Variants in SLC4A1AP observed in about 807,000 individuals in gnomAD.
SLC4A1AP encodes kanadaptin.
Under a neutral mutation model 89.7 loss-of-function variants are expected in SLC4A1AP, and 64 were observed. The ratio of observed to expected loss-of-function variants is 0.71; its 90% CI spans 0.58 to 0.88. The LOEUF is 0.88. SLC4A1AP is among the 40% of genes least tolerant of loss of function. The pLI, the probability that SLC4A1AP is intolerant of heterozygous loss-of-function variation, is 0.00. For synonymous variants in SLC4A1AP, 366 were observed against 353.3 expected (o/e 1.04, Z -0.40); for missense variants, 931 against 965.0 (o/e 0.96, Z 0.47).
rs536712558 is a variant in SLC4A1AP at position 27,687,855 on chromosome 2, T to A, written c.2117-79T>A. 2.8e-6 allele frequency: 3 copies of A among 1,062,292 alleles called. No homozygotes were observed. In the Admixed American group the frequency reaches 6.0e-5, roughly 21 times the overall value. 65.8% of individuals were successfully genotyped at this position (1,062,292 alleles called of 1,614,324 possible). ...TGATTATGTACTTAGCTTCTCTTTC[T>A]CTTGTTTTTGTTTTTGTTTGTTTGG... On this transcript the variant is annotated intron_variant, in intron 10 of 13. Transcript: ENST00000613058.
chr2:27,665,629 G>A (rs1675304532), intron 2 of SLC4A1AP, among the ~76,000 whole-genome samples: 1 of 151,986 alleles, frequency 6.6e-6, no homozygotes, highest in South Asian at 2.1e-4. Flanking sequence ...ATCATTGGAG[G>A]GGATGGAACT....
chr2:27,683,326 C>G (rs1460670009), intron 9 of SLC4A1AP, among the ~76,000 whole-genome samples: 1 of 152,168 alleles, frequency 6.6e-6, no homozygotes, highest in Non-Finnish European at 1.5e-5. Context: ...AGAGCTGAAC[C>G]TTGAGTATTA....
At chr2:27,680,180 C>A (rs1353943402) in intron 8 of SLC4A1AP, among the ~76,000 whole-genome samples, 1 of 152,170 alleles carries the variant, frequency 6.6e-6, no homozygotes, top group Non-Finnish European at 1.5e-5. Flanking sequence ...GCATCTGCTA[C>A]TGTATCTCTG....
intron 8 of SLC4A1AP, 60 bp downstream of exon 8, chr2:27,677,984 A>C: frequency 6.3e-6 from 7 of 1,113,020 alleles, no homozygotes; most frequent in Middle Eastern, 2.1e-4. Flanking sequence ...AACATTTTCA[A>C]TTATCGCTTT....
chr2:27,669,464 TG>T (rs1307368481), intron 5 of SLC4A1AP, 77 bp downstream of exon 5: 9 of 1,340,318 alleles, frequency 6.7e-6, no homozygotes, highest in South Asian at 5.2e-5. Flanking sequence ...AACTTCTTTA[TG>T]GGGGGAAAAT....
At chr2:27,673,221 T>G (rs1414738141) in intron 5 of SLC4A1AP, among the ~76,000 whole-genome samples, 1 of 152,214 alleles carries the variant, frequency 6.6e-6, no homozygotes, top group African/African-American at 2.4e-5. Context: ...TTAGGATTTA[T>G]CTTTTTAAAT....
chr2:27,674,255 G>C (rs141272475), intron 5 of SLC4A1AP, among the ~76,000 whole-genome samples: 4 of 152,240 alleles, frequency 2.6e-5, no homozygotes, highest in African/African-American at 9.6e-5. Flanking sequence ...CAGATAAAAT[G>C]GGGGAGGAAT....
chr2:27,664,609 G>A (rs1321779862), intron 1 of SLC4A1AP, 32 bp downstream of exon 1: 1 of 1,522,596 alleles, frequency 6.6e-7, no homozygotes, highest in Non-Finnish European at 9.0e-7. Flanking sequence ...TGAAATTTCG[G>A]GTTCATTGGA....
intron 6 of SLC4A1AP, among the ~76,000 whole-genome samples, chr2:27,676,743 T>C (rs1281084872): frequency 1.3e-5 from 2 of 151,590 alleles, no homozygotes; most frequent in African/African-American, 2.4e-5. Context: ...GACAGGAGAA[T>C]TGCTTGAATG....
intron 5 of SLC4A1AP, among the ~76,000 whole-genome samples, chr2:27,673,990 TTGTGTGTGTGTGTG>T (rs56759152): frequency 0.45 from 66,834 of 148,550 alleles, 15,629 homozygotes; most frequent in Non-Finnish European, 0.53. Flanking sequence ...CATATACAAG[TTGTGTGTGTGTGTG>T]TGTGTGTGTG....
chr2:27,664,043 T>C (rs201467962), exon 1 of SLC4A1AP: 273 of 1,614,076 alleles, frequency 1.7e-4, no homozygotes, highest in Non-Finnish European at 2.2e-4. Context: ...CTTCAAACCC[T>C]GAGGAGGTAC....
chr2:27,682,474 G>C, intron 9 of SLC4A1AP, 115 bp downstream of exon 9: 3 of 624,156 alleles, frequency 4.8e-6, no homozygotes, highest in Non-Finnish European at 8.4e-6. Flanking sequence ...GTGAGAAAGG[G>C]CTGTGGGCTT....
intron 5 of SLC4A1AP, among the ~76,000 whole-genome samples, chr2:27,674,989 G>T (rs143199788): frequency 2.6e-5 from 4 of 152,148 alleles, no homozygotes; most frequent in Admixed American, 6.5e-5. Flanking sequence ...ACCATGCCTG[G>T]CCATCCTCAT....
chr2:27,678,163 T>C (rs1174798148), intron 8 of SLC4A1AP, among the ~76,000 whole-genome samples: 1 of 152,202 alleles, frequency 6.6e-6, no homozygotes, highest in Admixed American at 6.5e-5. Flanking sequence ...CATTGGAAGG[T>C]TCCGAAGTTT....
chr2:27,675,826 G>A (rs553710785), intron 6 of SLC4A1AP, 134 bp downstream of exon 6: 2 of 571,470 alleles, frequency 3.5e-6, no homozygotes, highest in Non-Finnish European at 5.4e-6. Flanking sequence ...TATAACTTTT[G>A]TGGTCTGTTA....
intron 9 of SLC4A1AP, among the ~76,000 whole-genome samples, chr2:27,682,624 A>G (rs1054201312): frequency 5.4e-4 from 82 of 151,102 alleles, no homozygotes; most frequent in African/African-American, 1.8e-3. Context: ...TCCCGGGTTC[A>G]AGCAATTCTC....
At chr2:27,667,505 T>G in intron 3 of SLC4A1AP, 115 bp downstream of exon 3, 1 of 1,034,054 alleles carries the variant, frequency 9.7e-7, no homozygotes, top group Non-Finnish European at 1.3e-6. Flanking sequence ...GCTGTCCTTC[T>G]TGTTCACTTT....
intron 10 of SLC4A1AP, among the ~76,000 whole-genome samples, chr2:27,686,288 T>TGAAAA (rs1675704600): frequency 1.3e-5 from 2 of 152,228 alleles, no homozygotes; most frequent in Non-Finnish European, 2.9e-5. Flanking sequence ...TATCTGCATT[T>TGAAAA]GTCCTTTTCA....
At chr2:27,669,302 A>G in exon 5 of SLC4A1AP, 1 of 1,613,322 alleles carries the variant, frequency 6.2e-7, no homozygotes, top group South Asian at 1.1e-5. Context: ...CCATTCACTC[A>G]GGAAAGAAAA....
Sources: allele counts gnomAD v4.1 joint callset (sites outside exome capture counted in the v4.1 genomes callset), GRCh38; gene constraint gnomAD v4.1.1; transcripts MANE v1.5; gene names NCBI Gene and HGNC (gene_info 2026-07-23, HGNC 2026-07-21).